Variants in MTFR1L observed in about 807,000 individuals in gnomAD.
The protein encoded by MTFR1L is mitochondrial fission regulator 1 like, also known as mitochondrial fission regulator 1-like.
MTFR1L carries 10 observed loss-of-function variants against 27.9 expected under a neutral mutation model. That is an observed-to-expected ratio of 0.36 (90% CI 0.22 to 0.61). MTFR1L has a LOEUF of 0.61. Among genes scored for constraint, MTFR1L ranks in the 20% least tolerant of loss-of-function variants. The pLI is 0.73. For synonymous variants in MTFR1L, 151 were observed against 139.4 expected (o/e 1.08, Z -0.58); for missense variants, 315 against 363.7 (o/e 0.87, Z 1.09).
Position 25,823,710 on chromosome 1 carries a change from A to G in MTFR1L, c.91A>G (p.Asn31Asp). The change falls in exon 3 of 7, where the codon AAC becomes GAC. Residue 31 changes from asparagine (N) to aspartate (D), a missense_variant. Coordinates refer to ENST00000374303, the MANE Select transcript of MTFR1L (RefSeq NM_001099625.2). ...AAGTGTAGTAAGAAGAATTGGGACC[A>G]ACCTACCCTTGAAGCCGTGTGCCCG... ...ARSVVRRIGT[N>D]LPLKPCARAS... is the part of the protein sequence containing the mutation. 1.2e-6 allele frequency: 2 copies of G among 1,614,062 alleles called. No individual in the cohort carries two copies. Among genetic ancestry groups the G allele is most frequent in the Non-Finnish European group, 1.7e-6 (2 of 1,179,966 alleles).
rs2048132329 is a variant in MTFR1L, at chr1:25,823,803, C to T, written c.129+55C>T. 4 of 1,593,894 alleles carry T rather than the reference C, an allele frequency of 2.5e-6. No individual in the cohort carries two copies. In the East Asian group the frequency reaches 6.7e-5, roughly 27 times the overall value. On this transcript the variant is annotated intron_variant, in intron 3 of 6. Coordinates refer to ENST00000374303, the MANE Select transcript of MTFR1L (RefSeq NM_001099625.2). ...AGGCTCAGACAGTGCTGCTTCTGTG[C>T]CCCAAACCCCTTGGTACTGCCCAAG...
rs574438059 is a variant in MTFR1L, at chr1:25,828,015, G to A, written c.451+1189G>A. 1.9e-4 allele frequency among the ~76,000 whole-genome samples: 29 copies of A among 152,204 alleles called. No homozygotes were observed. In the South Asian group the frequency reaches 4.4e-3, roughly 23 times the overall value. ...GCTAGGATTACAACCATGAGCCACC[G>A]CGCCCTGCTTTCCTTTTCAATACAA... is the stretch of plus-strand genomic sequence containing the variant. On this transcript the variant is annotated intron_variant, in intron 5 of 6. Transcript: ENST00000374303.
At chr1:25,820,525 G>C (rs569095058) in intron 1 of MTFR1L, 1 of 355,570 alleles carries the variant, frequency 2.8e-6, no homozygotes, top group African/African-American at 2.3e-5. Flanking sequence ...TTCACTGAGC[G>C]CGGCGGCCTC....
Position 25,826,263 on chromosome 1 carries a change from T to A in MTFR1L, c.130-39T>A. The A allele has an allele frequency of 6.4e-7, 1 of 1,572,694 alleles. No individual in the cohort carries two copies. Among genetic ancestry groups the A allele is most frequent in the South Asian group, 1.1e-5 (1 of 89,716 alleles). On this transcript the variant is annotated intron_variant, in intron 3 of 6. Coordinates refer to ENST00000374303, the MANE Select transcript of MTFR1L (RefSeq NM_001099625.2). The surrounding 1 kb of genome is among the most constrained non-coding windows in gnomAD (Gnocchi z 4.1). ...TCTGCAGTTTCTGATTGGCTCATCA[T>A]GGCATCTGTAAATGTTGATGACTTT...
chr1:25,826,815 C>T lies in MTFR1L; in HGVS notation c.440C>T (p.Ala147Val). 2 of 1,613,846 alleles carry T rather than the reference C, an allele frequency of 1.2e-6. No individual in the cohort carries two copies. Among genetic ancestry groups the T allele is most frequent in the South Asian group, 1.1e-5 (1 of 91,074 alleles). ...CGCAGCCAGATTGCAAAGATAGTGG[C>T]AGCTGATGCAGGTAGGAGCCCCTGT... ...HLRSQIAKIV[A>V]ADAASASLTP... is the part of the protein sequence containing the mutation. The change falls in exon 5 of 7, where the codon GCA becomes GTA. Residue 147 changes from alanine (A) to valine (V), a missense_variant. Coordinates refer to ENST00000374303, the MANE Select transcript of MTFR1L (RefSeq NM_001099625.2). This position sits in a 1 kb window ranked among gnomAD's most constrained non-coding sequence, Gnocchi z 4.1.
At chr1:25,830,170 T>C (rs1251643966) in intron 6 of MTFR1L, among the ~76,000 whole-genome samples, 1 of 152,174 alleles carries the variant, frequency 6.6e-6, no homozygotes, top group African/African-American at 2.4e-5. Flanking sequence ...AAGTGAGGGG[T>C]TGCATGACAT....
chr1:25,820,111 T>G lies in MTFR1L; in HGVS notation c.-87+82T>G, dbSNP rs76955775. The G allele has an allele frequency of 2.9e-3, 1,268 of 442,794 alleles. 13 individuals are homozygous for G. The highest frequency in any genetic ancestry group is 0.012 in the East Asian group (169 of 14,046). The allele number at this position is 442,794 out of a possible 1,614,324, so 27.4% of individuals were successfully genotyped here. On this transcript the variant is annotated intron_variant, in intron 1 of 6. Transcript: ENST00000374303. The stretch of plus-strand genomic sequence containing the variant: ...TAGACTGGGTCTACGTGCCGGGCGC[T>G]GTGCGGAGCCCGCAGCTCCTGTTCC...
chr1:25,831,801 G>A (rs2048244602), intron 6 of MTFR1L, 120 bp from the exon 7 acceptor site: 2 of 898,608 alleles, frequency 2.2e-6, no homozygotes, highest in Admixed American at 4.0e-5. Context: ...CTGTGAAAGG[G>A]AATTGTAATG....
In MTFR1L at chr1:25,820,008, A is replaced by G. The variant is rs2048063625; in HGVS notation, c.-108A>G. 1 of 348,306 alleles carries G rather than the reference A, an allele frequency of 2.9e-6. No individual in the cohort carries two copies. The highest frequency in any genetic ancestry group is 5.5e-6 in the Non-Finnish European group (1 of 180,488). 21.6% of individuals were successfully genotyped at this position (348,306 alleles called of 1,614,324 possible). A position where few individuals can be genotyped will look rare whatever the true frequency, so the allele number is the denominator to read the frequency against. On this transcript the variant is annotated 5_prime_UTR_variant, in exon 1 of 7. Transcript: ENST00000374303. ...GGAAGGAGGGGCCGTGAGGTGAGAGAGTCCGGGAGCCCGAGCTTGAGGTGA... is the reference window on the plus strand; with the variant it reads ...GGAAGGAGGGGCCGTGAGGTGAGAGGGTCCGGGAGCCCGAGCTTGAGGTGA...
chr1:25,823,812 C>G, intron 3 of MTFR1L, 64 bp downstream of exon 3: 3 of 1,573,128 alleles, frequency 1.9e-6, no homozygotes. Flanking sequence ...GCCCCAAACC[C>G]CTTGGTACTG....
Position 25,826,349 on chromosome 1 carries a change from C to T in MTFR1L, c.177C>T (p.Val59=), listed in dbSNP as rs1287420368. The change falls in exon 4 of 7, where the codon GTC becomes GTT. Residue 59 remains valine (V), a synonymous_variant. Coordinates refer to ENST00000374303, the MANE Select transcript of MTFR1L (RefSeq NM_001099625.2). This position sits in a 1 kb window ranked among gnomAD's most constrained non-coding sequence, Gnocchi z 4.1. ...SDLCLRDVPP[V]PTLADIAWIA... is the part of the protein sequence containing the mutation. ...TGTGTTTGAGAGATGTGCCCCCAGT[C>T]CCTACCCTGGCTGACATCGCCTGGA... is the stretch of plus-strand genomic sequence containing the variant. 11 of 1,614,156 alleles carry T rather than the reference C, an allele frequency of 6.8e-6. No individual in the cohort carries two copies. The highest frequency in any genetic ancestry group is 8.5e-6 in the Non-Finnish European group (10 of 1,180,038).
chr1:25,830,783 A>G (rs1438119591), intron 6 of MTFR1L, among the ~76,000 whole-genome samples: 1 of 152,156 alleles, frequency 6.6e-6, no homozygotes, highest in Non-Finnish European at 1.5e-5. Flanking sequence ...CCTGGGATCC[A>G]TTTCCCTCTG....
chr1:25,823,588 G>T, intron 2 of MTFR1L, 56 bp from the exon 3 acceptor site: 1 of 1,592,156 alleles, frequency 6.3e-7, no homozygotes, highest in South Asian at 1.1e-5. Context: ...AGAGGACAAG[G>T]ACAGTAGTTG....
At chr1:25,820,788 A>G (rs1486518779) in intron 1 of MTFR1L, 1 of 436,734 alleles carries the variant, frequency 2.3e-6, no homozygotes, top group Admixed American at 2.6e-5. Context: ...TGAAGCGCTC[A>G]CTGTGTCCTA....
rs947381486 is a variant in MTFR1L at position 25,825,026 on chromosome 1, G to C, written c.130-1276G>C. 2.0e-5 allele frequency among the ~76,000 whole-genome samples: 3 copies of C among 152,178 alleles called. No homozygotes were observed. The East Asian group carries it at 5.8e-4, about 29-fold the overall frequency. ...TCATTTAATTGCCAAGAGCAAAGGA[G>C]CATTCAGGGCTAATCAGGAAAACAA... On this transcript the variant is annotated intron_variant, in intron 3 of 6. Transcript: ENST00000374303.
At chr1:25,829,488 G>C in intron 5 of MTFR1L, 21 bp from the exon 6 acceptor site, 8 of 1,606,038 alleles carry the variant, frequency 5.0e-6, no homozygotes, top group Non-Finnish European at 6.8e-6. Context: ...GTCCACCCAT[G>C]CCTATTGTTT....
intron 3 of MTFR1L, among the ~76,000 whole-genome samples, chr1:25,824,459 G>T (rs772712578): frequency 2.0e-5 from 3 of 152,136 alleles, no homozygotes; most frequent in Non-Finnish European, 4.4e-5. Flanking sequence ...TGGAGAGCTG[G>T]GATACAAAAG....
Position 25,824,774 on chromosome 1 carries a change from G to GA in MTFR1L, c.129+1036dup, listed in dbSNP as rs913539007. Among the ~76,000 whole-genome samples the GA allele has an allele frequency of 2.0e-3, 301 of 147,024 alleles. 1 individual carries two copies. The highest frequency in any genetic ancestry group is 6.6e-3 in the African/African-American group (264 of 40,074). On this transcript the variant is annotated intron_variant, in intron 3 of 6. Transcript: ENST00000374303. ...GTCCTAACTTGCCTCAGAAGCATCAGAAAAAAAAAAGGGAGACAGCTAGGG... is the reference window on the plus strand; with the variant it reads ...GTCCTAACTTGCCTCAGAAGCATCAGAAAAAAAAAAAGGGAGACAGCTAGGG...
rs200344276 is a variant in MTFR1L, at chr1:25,826,705, C to A, written c.330C>A (p.Ser110=). ...RNASVPNLRG[S]EERLLALKKP... is the part of the protein sequence containing the mutation. ...CCTCTGTTCCCAACCTGCGTGGGTCCGAGGAGAGGCTTCTGGCCCTGAAGA... is the reference window on the plus strand; with the variant it reads ...CCTCTGTTCCCAACCTGCGTGGGTCAGAGGAGAGGCTTCTGGCCCTGAAGA... Residue 110 remains serine (S), a synonymous_variant, in exon 5 of 7, where the codon TCC becomes TCA. Coordinates refer to ENST00000374303, the MANE Select transcript of MTFR1L (RefSeq NM_001099625.2). This position sits in a 1 kb window ranked among gnomAD's most constrained non-coding sequence, Gnocchi z 4.1. The A allele has an allele frequency of 8.1e-5, 130 of 1,613,834 alleles. No homozygotes were observed. In the South Asian group the frequency reaches 1.3e-3, roughly 16 times the overall value.
Sources: gnomAD v4.1 joint callset for allele counts (sites outside exome capture counted in the v4.1 genomes callset) on GRCh38, gnomAD v4.1.1 for gene constraint, Gnocchi (gnomAD v3.1) non-coding constraint, MANE v1.5 for transcripts, NCBI Gene and HGNC (gene_info 2026-07-23, HGNC 2026-07-21) for gene names.